Variants in SLC9A3 observed in about 807,000 individuals in gnomAD.
The protein encoded by SLC9A3 is solute carrier family 9 member A3.
Under a neutral mutation model 86.8 loss-of-function variants are expected in SLC9A3, and 37 were observed. The observed-to-expected ratio is 0.43, with a 90% CI of 0.33 to 0.56. The LOEUF is 0.56. SLC9A3 is among the 20% of genes least tolerant of loss of function. The pLI, the probability that SLC9A3 is intolerant of heterozygous loss-of-function variation, is 0.06. For synonymous variants in SLC9A3, 581 were observed against 528.3 expected (o/e 1.10, Z -1.37); for missense variants, 1,011 against 1,171.9 (o/e 0.86, Z 2.00).
intron 16 of SLC9A3, among the ~76,000 whole-genome samples, chr5:474,403 A>C: frequency 2.5e-5 from 1 of 40,724 alleles, no homozygotes. Context: ...AGGGAGAGAG[A>C]GAACCAGGTT....
In SLC9A3 at chr5:476,620, G is replaced by A. The variant is rs371725135; in HGVS notation, c.1813C>T (p.Arg605Trp). The change falls in exon 12 of 17, where the codon CGG (arginine) becomes TGG (tryptophan). Residue 605 changes from arginine to tryptophan, a missense_variant. Coordinates refer to ENST00000264938, the MANE Select transcript of SLC9A3 (RefSeq NM_004174.4). ...TCCTCCGCGTCCCGGATGCTCCGCC[G>A]TCGCTGCTCCAGAGACTGCATGTCC... ...CLDMQSLEQR[R>W]RSIRDAEDMV... 1.5e-5 allele frequency: 24 copies of A among 1,609,386 alleles called. No homozygotes were observed. Among genetic ancestry groups the A allele is most frequent in the African/African-American group, 5.3e-5 (4 of 74,926 alleles).
At chr5:484,485 G>A in intron 5 of SLC9A3, 35 bp downstream of exon 5, 2 of 1,603,894 alleles carry the variant, frequency 1.2e-6, no homozygotes, top group Non-Finnish European at 1.7e-6. Context: ...CGGGAGGAGG[G>A]CGTGGAGAAG....
chr5:488,246 G>C (rs933836197), intron 3 of SLC9A3, 70 bp downstream of exon 3: 2 of 1,547,562 alleles, frequency 1.3e-6, no homozygotes, highest in African/African-American at 1.4e-5. Flanking sequence ...CTGACTGACC[G>C]ATGGGGGGTG....
chr5:507,194 A>T (rs1283096833), intron 1 of SLC9A3, among the ~76,000 whole-genome samples: 1 of 2,304 alleles, frequency 4.3e-4, no homozygotes. Flanking sequence ...TTTGAGACGG[A>T]GTCTGGCTCT....
chr5:501,856 G>A (rs930973212), intron 1 of SLC9A3, among the ~76,000 whole-genome samples: 4 of 152,212 alleles, frequency 2.6e-5, no homozygotes, highest in African/African-American at 9.6e-5. Context: ...CCCTGCCTGC[G>A]GGTGCAGTTC....
At position 471,331 on chromosome 5, in the gene SLC9A3, AG is replaced by A. The variant is rs750677368; in HGVS notation, c.*2047del. 142 of 173,620 alleles carry A rather than the reference AG, an allele frequency of 8.2e-4. 1 individual carries two copies. Among genetic ancestry groups the A allele is most frequent in the Middle Eastern group, 2.9e-3 (1 of 346 alleles). The allele number at this position is 173,620 out of a possible 1,614,324, so 10.8% of individuals were successfully genotyped here. On this transcript the variant is annotated 3_prime_UTR_variant, in exon 17 of 17. Transcript: ENST00000264938. ...GACTCTGCAGCTGGGAGTCAGATGC[AG>A]GCCCAAGGGTCCAGGGGAGTTGTTC... is the stretch of plus-strand genomic sequence containing the variant.
rs1739168131 is a variant in SLC9A3 at position 481,580 on chromosome 5, T to C, written c.1502A>G (p.Asn501Ser). Reference protein sequence around the residue: ...IEDISGQIGHNYLRDKWSHFD... With the variant: ...IEDISGQIGHSYLRDKWSHFD... ...AGCCACTTACTTGTCTCTGAGATAATTGTGCCCGATCTGTCCGGATATGTC... is the reference window on the plus strand; with the variant it reads ...AGCCACTTACTTGTCTCTGAGATAACTGTGCCCGATCTGTCCGGATATGTC... The change falls in exon 9 of 17, where the codon AAT becomes AGT. Residue 501 changes from asparagine (N) to serine (S), a missense_variant. Around this residue, in one of 3 missense-constraint regions of SLC9A3, gnomAD observed 565 missense variants for 790.0 expected, o/e 0.72. Transcript: ENST00000264938. 2 of 1,613,936 alleles carry C rather than the reference T, an allele frequency of 1.2e-6. No individual in the cohort carries two copies. The highest frequency in any genetic ancestry group is 2.7e-5 in the African/African-American group (2 of 75,046).
rs1204207644 is a variant in SLC9A3 at position 472,014 on chromosome 5, G to A, written c.*1365C>T. ...TCCTGAGCAAGGAGCTGCGAGTCTA[G>A]CTTTAGAAAAGCCCCTAGGAGTGTC... On this transcript the variant is annotated 3_prime_UTR_variant, in exon 17 of 17. Coordinates refer to ENST00000264938, the MANE Select transcript of SLC9A3 (RefSeq NM_004174.4). 2.2e-6 allele frequency: 1 copy of A among 456,640 alleles called. No homozygotes were observed. The highest frequency in any genetic ancestry group is 2.3e-5 in the Admixed American group (1 of 42,582). The allele number at this position is 456,640 out of a possible 1,614,324, so 28.3% of individuals were successfully genotyped here. A position where few individuals can be genotyped will look rare whatever the true frequency, so the allele number is the denominator to read the frequency against.
intron 1 of SLC9A3, among the ~76,000 whole-genome samples, chr5:515,719 C>G (rs1047161292): frequency 1.3e-4 from 20 of 150,768 alleles, no homozygotes; most frequent in African/African-American, 4.9e-4. Context: ...ATGCACAACC[C>G]CTGCCACTCA....
At chr5:489,352 G>A (rs920662563) in intron 2 of SLC9A3, among the ~76,000 whole-genome samples, 47 of 152,292 alleles carry the variant, frequency 3.1e-4, no homozygotes, top group African/African-American at 1.0e-3. Context: ...GAGTCCCCCC[G>A]CACAGCTGCT....
intron 1 of SLC9A3, among the ~76,000 whole-genome samples, chr5:499,831 A>C (rs1235628833): frequency 2.0e-5 from 3 of 152,068 alleles, no homozygotes; most frequent in Admixed American, 2.0e-4. Flanking sequence ...AGGCCCAGCC[A>C]CTCCCAGTCC....
chr5:488,421 A>G lies in SLC9A3; in HGVS notation c.570T>C (p.Ala190=), dbSNP rs1320445517. The stretch of plus-strand genomic sequence containing the variant: ...CGGCCAGGACGGCCACCGGGTCCAC[A>G]GCCGCCATGAGGCTGCCAAACAGGA... ...DFLLFGSLMA[A]VDPVAVLAVF... The change falls in exon 3 of 17, where the codon GCT becomes GCC. Residue 190 remains alanine (A), a synonymous_variant. Transcript: ENST00000264938. 6.2e-7 allele frequency: 1 copy of G among 1,602,332 alleles called. No homozygotes were observed. The highest frequency in any genetic ancestry group is 1.3e-5 in the African/African-American group (1 of 74,744).
intron 2 of SLC9A3, among the ~76,000 whole-genome samples, chr5:489,143 G>T (rs772226329): frequency 6.6e-6 from 1 of 152,218 alleles, no homozygotes; most frequent in Non-Finnish European, 1.5e-5. Flanking sequence ...GGCCACGTGG[G>T]GGTGCCAGGC....
intron 1 of SLC9A3, among the ~76,000 whole-genome samples, chr5:509,502 G>A (rs1740783193): frequency 7.3e-6 from 1 of 136,490 alleles, no homozygotes; most frequent in East Asian, 2.4e-4. Context: ...AAAGAAGGAA[G>A]GAAGGGAGGG....
chr5:485,255 T>TTGGG (rs772856595), intron 3 of SLC9A3, 24 bp from the exon 4 acceptor site: 9 of 1,605,858 alleles, frequency 5.6e-6, no homozygotes, highest in Middle Eastern at 1.6e-4. Context: ...GGGCAGGGCG[T>TTGGG]TGGGTGGTCC....
chr5:510,806 G>T (rs1442953700), intron 1 of SLC9A3, among the ~76,000 whole-genome samples: 1 of 152,158 alleles, frequency 6.6e-6, no homozygotes, highest in Non-Finnish European at 1.5e-5. Flanking sequence ...GGGCTGCTGG[G>T]TGCAGGGGTG....
rs1476289364 is a variant in SLC9A3 at position 474,947 on chromosome 5, A to C, written c.2437T>G (p.Ser813Ala). 1 of 1,608,134 alleles carries C rather than the reference A, an allele frequency of 6.2e-7. No individual in the cohort carries two copies. Among genetic ancestry groups the C allele is most frequent in the South Asian group, 1.1e-5 (1 of 90,558 alleles). The change falls in exon 16 of 17, where the codon TCC becomes GCC. Residue 813 changes from serine to alanine, a missense_variant. Physicochemically the swap from Ser to Ala is moderately conservative, Grantham distance 99. Coordinates refer to ENST00000264938, the MANE Select transcript of SLC9A3 (RefSeq NM_004174.4). ...TCGGGGCCGTCTGCCTGCAGGAAGG[A>C]GTCCACGGACTTGCTGCTGAGGCGG... ...PFRLSSKSVD[S>A]FLQADGPEER... is the part of the protein sequence containing the mutation.
At chr5:503,316 G>A (rs745771126) in intron 1 of SLC9A3, among the ~76,000 whole-genome samples, 14 of 152,174 alleles carry the variant, frequency 9.2e-5, no homozygotes, top group Non-Finnish European at 1.9e-4. Context: ...CAGGAGGATC[G>A]CTTGAACCCA....
chr5:490,387 C>A (rs2126628516), intron 2 of SLC9A3, among the ~76,000 whole-genome samples: 1 of 152,010 alleles, frequency 6.6e-6, no homozygotes, highest in East Asian at 1.9e-4. Flanking sequence ...GGGGAGTCCT[C>A]CAGGGCTTCA....
Sources: gnomAD v4.1 joint callset for allele counts (sites outside exome capture counted in the v4.1 genomes callset) on GRCh38, gnomAD v4.1.1 for gene constraint, gnomAD v4.1.1 regional missense constraint, MANE v1.5 for transcripts, NCBI Gene and HGNC (gene_info 2026-07-23, HGNC 2026-07-21) for gene names.